CAMTA1: variants seen among roughly 807,000 people sequenced by gnomAD.
The protein encoded by CAMTA1 is calmodulin-binding transcription activator 1.
A neutral mutation model predicts 170.9 loss-of-function variants in CAMTA1; 27 were observed. The ratio of observed to expected loss-of-function variants is 0.16; its 90% confidence interval spans 0.12 to 0.22. The LOEUF is 0.22. Ranked by LOEUF, CAMTA1 falls within the 10% of genes least tolerant of loss-of-function variation. CAMTA1 has a pLI of 1.00. For missense variants in CAMTA1, 1,619 were observed against 2,217.2 expected, an observed-to-expected ratio of 0.73 and a Z score of 5.42; for synonymous variants, 833 against 891.5, an observed-to-expected ratio of 0.93 and a Z score of 1.17.
Position 7,738,024 on chromosome 1 carries a change from G to C in CAMTA1, c.3724G>C (p.Ala1242Pro), listed in dbSNP as rs1287346090. The stretch of plus-strand genomic sequence containing the variant: ...CAGTGAGAGCCACAAAGATTATCCG[G>C]CTCCCAAAAAGCATAAATTGAACCC... Reference protein sequence around the residue: ...YSSESHKDYPAPKKHKLNPEY... With the variant: ...YSSESHKDYPPPKKHKLNPEY... Residue 1242 changes from alanine (A) to proline (P), a missense_variant, in exon 16 of 23, where the codon GCT (alanine) becomes CCT (proline). By Grantham distance (27) the Ala-to-Pro change is conservative. Around this residue, in one of 8 missense-constraint regions of CAMTA1, gnomAD observed 370 missense variants for 429.4 expected, o/e 0.86. Coordinates refer to ENST00000303635, the MANE Select transcript of CAMTA1 (RefSeq NM_015215.4). The surrounding 1 kb of genome is among the most constrained non-coding windows in gnomAD (Gnocchi z 4.9). 1.2e-6 allele frequency: 2 copies of C among 1,613,938 alleles called. No homozygotes were observed. The highest frequency in any genetic ancestry group is 1.7e-6 in the Non-Finnish European group (2 of 1,180,006).
At chr1:7,618,135 C>A (rs1008810500) in intron 6 of CAMTA1, among the ~76,000 whole-genome samples, 5 of 152,168 alleles carry the variant, frequency 3.3e-5, no homozygotes, top group Non-Finnish European at 7.3e-5. Flanking sequence ...TTTTGGCTGG[C>A]CTTGATCACA....
chr1:7,095,585 G>A (rs1641984952), intron 4 of CAMTA1, among the ~76,000 whole-genome samples: 1 of 152,216 alleles, frequency 6.6e-6, no homozygotes, highest in South Asian at 2.1e-4. Flanking sequence ...TTTTGTGCCT[G>A]TGAAGGTTCC....
At chr1:7,160,753 C>T (rs908571581) in intron 4 of CAMTA1, among the ~76,000 whole-genome samples, 2 of 152,192 alleles carry the variant, frequency 1.3e-5, no homozygotes, top group Admixed American at 6.5e-5. Context: ...AGTTTCAGAA[C>T]AGTAACCCCA....
chr1:7,422,189 C>T (rs1380669552), intron 5 of CAMTA1, among the ~76,000 whole-genome samples: 2 of 152,108 alleles, frequency 1.3e-5, no homozygotes, highest in Non-Finnish European at 2.9e-5. Context: ...GTGGGTCGTA[C>T]ATGCAGGCGT....
At chr1:7,340,759 TCC>T (rs2083768118) in intron 5 of CAMTA1, among the ~76,000 whole-genome samples, 1 of 151,492 alleles carries the variant, frequency 6.6e-6, no homozygotes, top group South Asian at 2.1e-4. Flanking sequence ...CATCCATCCA[TCC>T]ATCCATCCAT....
At chr1:7,493,653 G>C (rs1367451765) in intron 6 of CAMTA1, among the ~76,000 whole-genome samples, 1 of 115,962 alleles carries the variant, frequency 8.6e-6, no homozygotes. Flanking sequence ...TGGGGGGGGG[G>C]GGGGGTCAGC....
chr1:7,051,764 G>A (rs76346058), intron 3 of CAMTA1, among the ~76,000 whole-genome samples: 141 of 152,074 alleles, frequency 9.3e-4, no homozygotes, highest in Non-Finnish European at 1.8e-3. Context: ...CCTCTGGATT[G>A]TATTCATTCG....
intron 3 of CAMTA1, among the ~76,000 whole-genome samples, chr1:6,912,071 G>A (rs1387868667): frequency 6.6e-6 from 1 of 152,196 alleles, no homozygotes; most frequent in Non-Finnish European, 1.5e-5. Flanking sequence ...CCCCGGATTG[G>A]TGGGTGGCTC....
intron 5 of CAMTA1, among the ~76,000 whole-genome samples, chr1:7,260,283 C>T (rs996791178): frequency 5.7e-4 from 87 of 152,268 alleles, no homozygotes; most frequent in African/African-American, 1.9e-3. Flanking sequence ...TGTTTACAGC[C>T]GCCTGATGCT....
At chr1:7,611,807 G>A (rs929037017) in intron 6 of CAMTA1, among the ~76,000 whole-genome samples, 1 of 152,238 alleles carries the variant, frequency 6.6e-6, no homozygotes, top group South Asian at 2.1e-4. Context: ...AGTGCTGGGG[G>A]ACCGCCTGGA....
intron 7 of CAMTA1, among the ~76,000 whole-genome samples, chr1:7,646,271 T>C (rs1576575547): frequency 7.4e-6 from 1 of 134,758 alleles, no homozygotes; most frequent in Non-Finnish European, 1.6e-5. Flanking sequence ...ATGGAGGCCA[T>C]AGTGAGTGTG....
At chr1:7,698,074 A>ACCCCCC (rs55893283) in intron 11 of CAMTA1, among the ~76,000 whole-genome samples, 100 of 98,614 alleles carry the variant, frequency 1.0e-3, no homozygotes, top group Non-Finnish European at 1.5e-3. Context: ...ACGCACTGTG[A>ACCCCCC]CCCCCCCCCC....
intron 5 of CAMTA1, among the ~76,000 whole-genome samples, chr1:7,285,944 G>A (rs1672286109): frequency 6.6e-6 from 1 of 152,312 alleles, no homozygotes; most frequent in South Asian, 2.1e-4. Context: ...CAGGCCACAT[G>A]TGTCCTCTTT....
intron 3 of CAMTA1, among the ~76,000 whole-genome samples, chr1:6,909,190 T>C (rs1023275457): frequency 1.3e-5 from 2 of 152,206 alleles, no homozygotes; most frequent in African/African-American, 4.8e-5. Flanking sequence ...ATCTGAAGTA[T>C]TAGATGTGGA....
chr1:7,125,077 T>TCCC (rs34270501), intron 4 of CAMTA1, among the ~76,000 whole-genome samples: 1 of 152,024 alleles, frequency 6.6e-6, no homozygotes, highest in Non-Finnish European at 1.5e-5. Flanking sequence ...AAGTGGAAAG[T>TCCC]CCCCATCTGT....
intron 6 of CAMTA1, among the ~76,000 whole-genome samples, chr1:7,528,112 C>T (rs1263831348): frequency 1.3e-5 from 2 of 152,178 alleles, no homozygotes; most frequent in African/African-American, 2.4e-5. Context: ...CCCACACCAT[C>T]GCTGCCTTGG....
intron 3 of CAMTA1, among the ~76,000 whole-genome samples, chr1:6,929,853 T>C (rs1334290765): frequency 6.6e-6 from 1 of 152,212 alleles, no homozygotes; most frequent in Non-Finnish European, 1.5e-5. Context: ...ACCTGCTGTG[T>C]CGTCCCTCTT....
chr1:7,292,180 T>A (rs1301955202), intron 5 of CAMTA1, among the ~76,000 whole-genome samples: 2 of 152,200 alleles, frequency 1.3e-5, no homozygotes, highest in East Asian at 3.8e-4. Context: ...GGAGATTGAA[T>A]TGCTGAAGCG....
chr1:7,260,370 C>T (rs1257038652), intron 5 of CAMTA1, among the ~76,000 whole-genome samples: 2 of 152,324 alleles, frequency 1.3e-5, no homozygotes, highest in East Asian at 1.9e-4. Context: ...AGGGTTTCTT[C>T]TTTAATGCAT....
Sources: allele counts gnomAD v4.1 joint callset (sites outside exome capture counted in the v4.1 genomes callset), GRCh38; gene constraint gnomAD v4.1.1; regional missense constraint gnomAD v4.1.1; non-coding constraint Gnocchi (gnomAD v3.1); transcripts MANE v1.5; gene names NCBI Gene and HGNC (gene_info 2026-07-23, HGNC 2026-07-21).